CREB5: variants seen among roughly 807,000 people sequenced by gnomAD.
CREB5 encodes cyclic AMP-responsive element-binding protein 5.
CREB5 carries 19 observed loss-of-function variants against 57.1 expected under a neutral mutation model. The ratio of observed to expected loss-of-function variants is 0.33; its 90% confidence interval spans 0.23 to 0.49. CREB5 has a LOEUF of 0.49. Among genes scored for constraint, CREB5 ranks in the 20% least tolerant of loss-of-function variants. The pLI, the probability that CREB5 is intolerant of heterozygous loss-of-function variation, is 0.99. For synonymous variants in CREB5, 238 were observed against 238.3 expected, an observed-to-expected ratio of 1.00 and a Z score of 0.01; for missense variants, 579 against 671.6, an observed-to-expected ratio of 0.86 and a Z score of 1.52.
At chr7:28,316,879 A>C (rs1785394791) in intron 1 of CREB5, among the ~76,000 whole-genome samples, 1 of 151,990 alleles carries the variant, frequency 6.6e-6, no homozygotes, top group Admixed American at 6.6e-5. Flanking sequence ...TCCATATCCT[A>C]ACCTTTAAAA....
intron 1 of CREB5, among the ~76,000 whole-genome samples, chr7:28,469,334 T>G (rs2391667): frequency 6.6e-6 from 1 of 152,118 alleles, no homozygotes; most frequent in South Asian, 2.1e-4. Flanking sequence ...TGAATCCTGT[T>G]GTGCCCTGGG....
chr7:28,788,114 A>G (rs1461183315), intron 7 of CREB5, among the ~76,000 whole-genome samples: 1 of 152,312 alleles, frequency 6.6e-6, no homozygotes, highest in Admixed American at 6.5e-5. Context: ...AAGGTTTCTC[A>G]GCTGTGGCAT....
At chr7:28,767,026 T>C (rs750782201) in intron 7 of CREB5, among the ~76,000 whole-genome samples, 5 of 152,228 alleles carry the variant, frequency 3.3e-5, no homozygotes, top group Non-Finnish European at 7.3e-5. Flanking sequence ...CTTCTTTTGT[T>C]TGAGTCTTTG....
intron 5 of CREB5, among the ~76,000 whole-genome samples, chr7:28,688,112 A>T (rs1405194395): frequency 6.6e-6 from 1 of 152,182 alleles, no homozygotes; most frequent in Non-Finnish European, 1.5e-5. Context: ...ATGGGGGAGG[A>T]TGGACAGGAG....
chr7:28,434,259 G>GGTATGT, intron 1 of CREB5, among the ~76,000 whole-genome samples: 1 of 152,064 alleles, frequency 6.6e-6, no homozygotes, highest in East Asian at 1.9e-4. Flanking sequence ...ATACCTCAAA[G>GGTATGT]GTATGCACTA....
chr7:28,667,805 G>A (rs945012090), intron 5 of CREB5, among the ~76,000 whole-genome samples: 8 of 152,120 alleles, frequency 5.3e-5, no homozygotes, highest in Admixed American at 6.5e-5. Context: ...TAATGGACTC[G>A]AAATTAGTCC....
intron 7 of CREB5, chr7:28,779,316 T>C (rs1185656660): frequency 6.6e-6 from 1 of 152,188 alleles, no homozygotes; most frequent in African/African-American, 2.4e-5. Context: ...ACAAAGGAAG[T>C]TCACAGTTTA....
chr7:28,774,637 G>A (rs1806518711), intron 7 of CREB5, among the ~76,000 whole-genome samples: 1 of 152,066 alleles, frequency 6.6e-6, no homozygotes, highest in African/African-American at 2.4e-5. Flanking sequence ...TTTGATTTAG[G>A]TCTCTGCATG....
chr7:28,399,399 CA>C (rs1448185536), intron 1 of CREB5, among the ~76,000 whole-genome samples: 9 of 133,610 alleles, frequency 6.7e-5, no homozygotes, highest in African/African-American at 2.6e-4. Context: ...AACTATATTA[CA>C]AAACAGCATC....
At chr7:28,447,720 C>T (rs187495051) in intron 1 of CREB5, among the ~76,000 whole-genome samples, 15 of 152,230 alleles carry the variant, frequency 9.9e-5, no homozygotes, top group Non-Finnish European at 2.1e-4. Flanking sequence ...CTCAGGGGTC[C>T]TTTATTTTAC....
At chr7:28,457,618 G>A (rs1383638331) in intron 1 of CREB5, among the ~76,000 whole-genome samples, 1 of 152,190 alleles carries the variant, frequency 6.6e-6, no homozygotes, top group East Asian at 1.9e-4. Flanking sequence ...ATGTGCTTGG[G>A]TATATTAGAG....
chr7:28,632,447 C>T (rs936332506), intron 5 of CREB5, among the ~76,000 whole-genome samples: 3 of 152,200 alleles, frequency 2.0e-5, no homozygotes, highest in African/African-American at 7.2e-5. Flanking sequence ...TTCTGTGATT[C>T]TTCTCTCCCT....
intron 1 of CREB5, among the ~76,000 whole-genome samples, chr7:28,472,498 CTGGCCGGTGG>C (rs1277946138): frequency 6.6e-6 from 1 of 152,180 alleles, no homozygotes; most frequent in Non-Finnish European, 1.5e-5. Context: ...AACTACAGTG[CTGGCCGGTGG>C]TGGCTATGTC....
At position 28,819,359 on chromosome 7, in the gene CREB5, A is replaced by G; in HGVS notation, c.*80A>G. 7.0e-7 allele frequency: 1 copy of G among 1,430,700 alleles called. No individual in the cohort carries two copies. Among genetic ancestry groups the G allele is most frequent in the Non-Finnish European group, 9.5e-7 (1 of 1,058,120 alleles). 88.6% of individuals were successfully genotyped at this position (1,430,700 alleles called of 1,614,324 possible). A position where few individuals can be genotyped will look rare whatever the true frequency, so the allele number is the denominator to read the frequency against. ...TCTTTTAAGGGCATTTTTAGAATTA[A>G]CTCAGACCTGGAAGACTCCTCAGTT... On this transcript the variant is annotated 3_prime_UTR_variant, in exon 11 of 11. Transcript: ENST00000357727.
intron 5 of CREB5, among the ~76,000 whole-genome samples, chr7:28,603,421 T>C (rs549226252): frequency 2.0e-5 from 3 of 152,328 alleles, no homozygotes; most frequent in East Asian, 1.9e-4. Flanking sequence ...TTTGATCACA[T>C]TGAAAGTAAA....
intron 1 of CREB5, among the ~76,000 whole-genome samples, chr7:28,363,859 G>A (rs1482653649): frequency 6.6e-6 from 1 of 152,170 alleles, no homozygotes; most frequent in African/African-American, 2.4e-5. Context: ...TTTGAGGGGA[G>A]AATTGTCATT....
At chr7:28,306,845 G>A (rs543624160) in intron 1 of CREB5, among the ~76,000 whole-genome samples, 30 of 152,284 alleles carry the variant, frequency 2.0e-4, no homozygotes, top group African/African-American at 7.0e-4. Context: ...ACAGGCGTGA[G>A]CCACCGCGCC....
At chr7:28,362,046 A>G (rs1006508149) in intron 1 of CREB5, among the ~76,000 whole-genome samples, 6 of 152,252 alleles carry the variant, frequency 3.9e-5, no homozygotes, top group African/African-American at 7.2e-5. Context: ...ACATTTGGCT[A>G]ATAGAATTGG....
intron 5 of CREB5, among the ~76,000 whole-genome samples, chr7:28,709,155 A>G (rs1802276284): frequency 1.3e-5 from 2 of 152,154 alleles, no homozygotes; most frequent in Non-Finnish European, 2.9e-5. Context: ...GTGTAACTTT[A>G]TGAATAATTG....
Sources: allele counts gnomAD v4.1 joint callset (sites outside exome capture counted in the v4.1 genomes callset), GRCh38; gene constraint gnomAD v4.1.1; transcripts MANE v1.5; gene names NCBI Gene and HGNC (gene_info 2026-07-23, HGNC 2026-07-21).